The following ZFHX3 variants were observed in gnomAD, a reference collection of about 807,000 sequenced individuals.
The protein encoded by ZFHX3 is zinc finger homeobox 3, also known as zinc finger homeobox protein 3.
A neutral mutation model predicts 279.1 loss-of-function variants in ZFHX3; 42 were observed. That is an observed-to-expected ratio of 0.15 (90% CI 0.12 to 0.19). The LOEUF is 0.19. Ranked by LOEUF, ZFHX3 falls within the 10% of genes least tolerant of loss-of-function variation. The pLI is 1.00. For synonymous variants in ZFHX3, 2,293 were observed against 1,957.8 expected (o/e 1.17, Z -4.52); for missense variants, 4,981 against 4,754.0 (o/e 1.05, Z -1.40).
chr16:73,201,672 T>A (rs1039623876), intron 5 of ZFHX3, among the ~76,000 whole-genome samples: 6 of 152,222 alleles, frequency 3.9e-5, no homozygotes, highest in African/African-American at 1.4e-4. Flanking sequence ...AGAAACGCTC[T>A]ACTAGAGCAA....
intron 3 of ZFHX3, among the ~76,000 whole-genome samples, chr16:73,320,530 A>G (rs1247336124): frequency 6.6e-6 from 1 of 152,188 alleles, no homozygotes; most frequent in Admixed American, 6.5e-5. Flanking sequence ...GTTTCCTTTA[A>G]CATAGTGACA....
At chr16:73,301,612 G>C (rs1258478076) in intron 4 of ZFHX3, among the ~76,000 whole-genome samples, 5 of 152,160 alleles carry the variant, frequency 3.3e-5, no homozygotes, top group Non-Finnish European at 7.3e-5. Context: ...GGCCTAGACA[G>C]TCCTAGAGGC....
chr16:73,505,636 G>T (rs987313687), intron 2 of ZFHX3, among the ~76,000 whole-genome samples: 1 of 151,960 alleles, frequency 6.6e-6, no homozygotes, highest in Admixed American at 6.6e-5. Context: ...AACAATTCTG[G>T]TCTAAAGGAG....
intron 7 of ZFHX3, among the ~76,000 whole-genome samples, chr16:73,108,827 A>C (rs1179191089): frequency 6.6e-6 from 1 of 151,812 alleles, no homozygotes; most frequent in East Asian, 1.9e-4. Context: ...AATAATAAAC[A>C]CTCCCTTCAT....
chr16:73,104,356 G>T (rs1056856660), intron 7 of ZFHX3, among the ~76,000 whole-genome samples: 1 of 152,028 alleles, frequency 6.6e-6, no homozygotes, highest in African/African-American at 2.4e-5. Flanking sequence ...TCAGCCTCCC[G>T]AGTAGCTGGG....
intron 5 of ZFHX3, among the ~76,000 whole-genome samples, chr16:72,823,983 C>T (rs1043167279): frequency 1.2e-4 from 18 of 152,148 alleles, no homozygotes; most frequent in African/African-American, 4.1e-4. Context: ...AGCCCCTTTC[C>T]ATTCTTTGTC....
intron 3 of ZFHX3, chr16:73,421,436 G>C (rs1355473015): frequency 6.6e-6 from 1 of 152,214 alleles, no homozygotes; most frequent in African/African-American, 2.4e-5. Flanking sequence ...ATGCTAACAA[G>C]ACGTGAACTG....
At chr16:73,300,579 T>C (rs962396397) in intron 4 of ZFHX3, among the ~76,000 whole-genome samples, 12 of 152,272 alleles carry the variant, frequency 7.9e-5, no homozygotes, top group African/African-American at 2.6e-4. Context: ...TCTTGGCTTA[T>C]TGCAACCTCT....
At chr16:73,255,411 A>G (rs890823105) in intron 5 of ZFHX3, among the ~76,000 whole-genome samples, 3 of 152,216 alleles carry the variant, frequency 2.0e-5, no homozygotes, top group African/African-American at 7.2e-5. Context: ...AATGCTCTTT[A>G]TGGGTGAGTG....
In ZFHX3 at chr16:72,958,510, C is replaced by T. The variant is rs1961378866; in HGVS notation, c.1636G>A (p.Gly546Ser). Residue 546 changes from glycine (G) to serine (S), a missense_variant, in exon 2 of 10, where the codon GGC becomes AGC. This residue lies in a region of ZFHX3 where 1,068 missense variants were observed against 935.2 expected (regional missense o/e 1.14). Transcript: ENST00000268489. The stretch of plus-strand genomic sequence containing the variant: ...GAATTAGAACTAGTAGAAGCTGTGC[C>T]CCTCGACAGGGTCTGGAGCACGTTA... The part of the protein sequence containing the change: ...MPNVLQTLSR[G>S]TASTSSNSAS... 6.2e-7 allele frequency: 1 copy of T among 1,614,002 alleles called. No homozygotes were observed. Among genetic ancestry groups the T allele is most frequent in the Non-Finnish European group, 8.5e-7 (1 of 1,180,028 alleles).
intron 3 of ZFHX3, among the ~76,000 whole-genome samples, chr16:73,382,874 C>T (rs1043264365): frequency 2.6e-5 from 4 of 152,174 alleles, no homozygotes; most frequent in Non-Finnish European, 5.9e-5. Flanking sequence ...GAAATCCTGC[C>T]ATACTTATCC....
chr16:73,550,210 CG>C (rs2020183165), intron 2 of ZFHX3, among the ~76,000 whole-genome samples: 1 of 152,100 alleles, frequency 6.6e-6, no homozygotes, highest in South Asian at 2.1e-4. Context: ...ACCCAGATGA[CG>C]GCTCATTGAG....
intron 2 of ZFHX3, among the ~76,000 whole-genome samples, chr16:73,590,590 T>G (rs2051984237): frequency 6.6e-6 from 1 of 152,360 alleles, no homozygotes. Flanking sequence ...TAGCCATCAT[T>G]AGAATATTCT....
At chr16:73,220,186 TA>T (rs2012363691) in intron 5 of ZFHX3, among the ~76,000 whole-genome samples, 3 of 152,084 alleles carry the variant, frequency 2.0e-5, no homozygotes, top group Non-Finnish European at 2.9e-5. Context: ...CGCTGGGGAC[TA>T]CTAGAGAGGA....
At chr16:73,163,105 T>C (rs1967277823) in intron 5 of ZFHX3, among the ~76,000 whole-genome samples, 1 of 152,226 alleles carries the variant, frequency 6.6e-6, no homozygotes, top group South Asian at 2.1e-4. Context: ...TTTCATTCAG[T>C]CGGGACAACA....
At chr16:72,943,029 T>C (rs986191365) in intron 3 of ZFHX3, among the ~76,000 whole-genome samples, 1 of 152,214 alleles carries the variant, frequency 6.6e-6, no homozygotes, top group African/African-American at 2.4e-5. Context: ...TCCGTAAATA[T>C]GTTCTGATTT....
At chr16:72,883,910 C>T (rs532300676) in intron 4 of ZFHX3, among the ~76,000 whole-genome samples, 55 of 152,126 alleles carry the variant, frequency 3.6e-4, no homozygotes, top group African/African-American at 1.3e-3. Flanking sequence ...GGAGAAAGAG[C>T]GTGGGTGTGC....
At chr16:73,377,957 C>T (rs1353707447) in intron 3 of ZFHX3, among the ~76,000 whole-genome samples, 13 of 133,062 alleles carry the variant, frequency 9.8e-5, no homozygotes, top group African/African-American at 2.3e-4. Context: ...GGCGTGAACC[C>T]GGGAGGCGGA....
chr16:73,178,251 C>T lies in ZFHX3; in HGVS notation c.-1103-34420G>A, dbSNP rs531129281. 3.9e-5 allele frequency among the ~76,000 whole-genome samples: 6 copies of T among 151,966 alleles called. No homozygotes were observed. The South Asian group carries it at 1.3e-3, about 32-fold the overall frequency. ...CTCCTCAGTTCCAACAATTTTCCTG[C>T]CTCAGCCTCCTGAGTAGCTAGGATT... On this transcript the variant is annotated intron_variant, in intron 5 of 17. Transcript: ENST00000641206.
Sources: gnomAD v4.1 joint callset for allele counts (sites outside exome capture counted in the v4.1 genomes callset) on GRCh38, gnomAD v4.1.1 for gene constraint, gnomAD v4.1.1 regional missense constraint, MANE v1.5 for transcripts, NCBI Gene and HGNC (gene_info 2026-07-23, HGNC 2026-07-21) for gene names.